The following B3GALT1 variants were observed in gnomAD, a reference collection of about 807,000 sequenced individuals.
B3GALT1 encodes beta-1,3-galactosyltransferase 1, also known as UDP-Gal:betaGlcNAc beta 1,3-galactosyltransferase, polypeptide 1.
B3GALT1 carries 10 observed loss-of-function variants against 23.2 expected under a neutral mutation model. The ratio of observed to expected loss-of-function variants is 0.43; its 90% confidence interval spans 0.27 to 0.73. The LOEUF (loss-of-function observed/expected upper bound fraction) is 0.73. Ranked by LOEUF, B3GALT1 falls within the 30% of genes least tolerant of loss-of-function variation. B3GALT1 has a pLI of 0.21. For missense variants in B3GALT1, 299 were observed against 405.4 expected (o/e 0.74, Z 2.25); for synonymous variants, 156 against 141.5 (o/e 1.10, Z -0.73).
rs1351253042 is a variant in B3GALT1 at position 167,871,758 on chromosome 2, C to T, written c.*1738C>T. ...TTGAGCGCAGGTAAAGCTAGTTCACCTCTTTCAGAAGCAGCAGAATAGGCA... is the reference window on the plus strand; with the variant it reads ...TTGAGCGCAGGTAAAGCTAGTTCACTTCTTTCAGAAGCAGCAGAATAGGCA... On this transcript the variant is annotated 3_prime_UTR_variant, in exon 5 of 5. Transcript: ENST00000392690. The T allele has an allele frequency of 6.6e-6, 1 of 152,158 alleles. No homozygotes were observed. 9.4% of individuals were successfully genotyped at this position (152,158 alleles called of 1,614,324 possible).
At chr2:167,580,368 T>C (rs906177215) in intron 2 of B3GALT1, among the ~76,000 whole-genome samples, 1 of 152,192 alleles carries the variant, frequency 6.6e-6, no homozygotes. Flanking sequence ...TTCTCTTGTC[T>C]AACTTGGCAC....
intron 3 of B3GALT1, among the ~76,000 whole-genome samples, chr2:167,811,968 G>A (rs1031479581): frequency 2.6e-5 from 4 of 152,146 alleles, no homozygotes; most frequent in Non-Finnish European, 5.9e-5. Context: ...TTTCAGTGGT[G>A]GTGCTATATG....
chr2:167,409,194 A>C (rs954186305), intron 1 of B3GALT1, among the ~76,000 whole-genome samples: 1 of 152,098 alleles, frequency 6.6e-6, no homozygotes, highest in Admixed American at 6.5e-5. Context: ...GTTTTCCTTC[A>C]TTTCAACCTT....
intron 2 of B3GALT1, among the ~76,000 whole-genome samples, chr2:167,622,402 A>G (rs1010416384): frequency 6.6e-6 from 1 of 152,118 alleles, no homozygotes; most frequent in South Asian, 2.1e-4. Flanking sequence ...TCTTGCAGCT[A>G]TAGCAGTTTA....
intron 1 of B3GALT1, among the ~76,000 whole-genome samples, chr2:167,403,784 A>T (rs1324263498): frequency 1.3e-5 from 2 of 152,100 alleles, no homozygotes; most frequent in African/African-American, 4.8e-5. Flanking sequence ...GGTGAGGAAT[A>T]GTTGACTATT....
rs111494580 is a variant in B3GALT1, at chr2:167,376,655, T to C, written c.-511+83321T>C. On this transcript the variant is annotated intron_variant, in intron 1 of 4. Transcript: ENST00000392690. ...AGGTGTTCATAATAGTCTTTGAGGA[T>C]CTTTTGAGTTTCTGTGAGATTCGTT... 8.1e-3 allele frequency among the ~76,000 whole-genome samples: 1,228 copies of C among 152,204 alleles called. 18 individuals carry two copies. The highest frequency in any genetic ancestry group is 0.028 in the African/African-American group (1,167 of 41,532).
chr2:167,834,681 T>C (rs1689421246), intron 4 of B3GALT1, among the ~76,000 whole-genome samples: 1 of 152,090 alleles, frequency 6.6e-6, no homozygotes, highest in African/African-American at 2.4e-5. Context: ...AAACCCCATC[T>C]CCACTAAAAA....
chr2:167,865,070 T>C (rs879664386), intron 4 of B3GALT1, among the ~76,000 whole-genome samples: 3 of 152,156 alleles, frequency 2.0e-5, no homozygotes, highest in African/African-American at 4.8e-5. Flanking sequence ...CCTATGTTTA[T>C]GCAGTCCCTT....
At chr2:167,448,621 A>G (rs1428974440) in intron 1 of B3GALT1, among the ~76,000 whole-genome samples, 1 of 152,094 alleles carries the variant, frequency 6.6e-6, no homozygotes, top group Admixed American at 6.6e-5. Context: ...AGTTTAATTA[A>G]GTCCCACCTA....
At position 167,654,110 on chromosome 2, in the gene B3GALT1, C is replaced by T. The variant is rs754664391; in HGVS notation, c.-352+7144C>T. On this transcript the variant is annotated intron_variant, in intron 3 of 4. Transcript: ENST00000392690. ...TGGCTGGTTGACATCCAGGCTTCAG[C>T]GCTTATTACACCTTGGGCATATCAC... is the stretch of plus-strand genomic sequence containing the variant. Among the ~76,000 whole-genome samples, 23 of 152,218 alleles carry T rather than the reference C, an allele frequency of 1.5e-4. 1 individual carries two copies. The highest frequency in any genetic ancestry group is 1.2e-3 in the South Asian group (6 of 4,818).
At chr2:167,566,817 T>G (rs1462262535) in intron 2 of B3GALT1, among the ~76,000 whole-genome samples, 1 of 152,192 alleles carries the variant, frequency 6.6e-6, no homozygotes, top group Non-Finnish European at 1.5e-5. Flanking sequence ...TCAGTGACTG[T>G]GCCCTCTGGG....
At chr2:167,503,766 C>T (rs1699879851) in intron 2 of B3GALT1, among the ~76,000 whole-genome samples, 1 of 152,188 alleles carries the variant, frequency 6.6e-6, no homozygotes, top group South Asian at 2.1e-4. Context: ...CAGGAGGTCT[C>T]TAATGCCATT....
chr2:167,553,066 TATC>T (rs1001450394), intron 2 of B3GALT1, among the ~76,000 whole-genome samples: 2 of 152,206 alleles, frequency 1.3e-5, no homozygotes, highest in African/African-American at 4.8e-5. Context: ...ATATTTATTG[TATC>T]ATCATCATTA....
intron 2 of B3GALT1, among the ~76,000 whole-genome samples, chr2:167,553,863 C>T (rs547863786): frequency 6.6e-6 from 1 of 152,288 alleles, no homozygotes; most frequent in African/African-American, 2.4e-5. Context: ...TTTGCAATCA[C>T]TTTTCCCAGT....
chr2:167,308,114 C>T (rs1696577854), intron 1 of B3GALT1, among the ~76,000 whole-genome samples: 2 of 151,916 alleles, frequency 1.3e-5, no homozygotes, highest in African/African-American at 4.8e-5. Flanking sequence ...TTTTTATAGG[C>T]ATTATATTAT....
intron 3 of B3GALT1, among the ~76,000 whole-genome samples, chr2:167,787,549 C>G (rs1171738406): frequency 6.6e-6 from 1 of 152,142 alleles, no homozygotes; most frequent in Non-Finnish European, 1.5e-5. Flanking sequence ...CTCTTTTTGT[C>G]TTAAGTCTCT....
At chr2:167,822,476 C>CA (rs1689128350) in intron 4 of B3GALT1, among the ~76,000 whole-genome samples, 1 of 152,040 alleles carries the variant, frequency 6.6e-6, no homozygotes, top group African/African-American at 2.4e-5. Context: ...ACATTAGGGA[C>CA]CAAGATACTC....
At chr2:167,315,594 A>C (rs1696703667) in intron 1 of B3GALT1, among the ~76,000 whole-genome samples, 1 of 152,188 alleles carries the variant, frequency 6.6e-6, no homozygotes, top group African/African-American at 2.4e-5. Context: ...GTTGAAGATC[A>C]AATGAGGTAT....
At chr2:167,602,012 A>G (rs747161276) in intron 2 of B3GALT1, among the ~76,000 whole-genome samples, 2 of 152,246 alleles carry the variant, frequency 1.3e-5, no homozygotes, top group Non-Finnish European at 2.9e-5. Context: ...AACACTACTT[A>G]CAAACAGAAG....
Sources: allele counts gnomAD v4.1 joint callset (sites outside exome capture counted in the v4.1 genomes callset), GRCh38; gene constraint gnomAD v4.1.1; transcripts MANE v1.5; gene names NCBI Gene and HGNC (gene_info 2026-07-23, HGNC 2026-07-21).